Variants in BDP1 observed in about 807,000 individuals in gnomAD.
The protein encoded by BDP1 is transcription factor TFIIIB component B'' homolog.
In BDP1, 169 loss-of-function variants were observed where a neutral mutation model predicts 266.6. The ratio of observed to expected loss-of-function variants is 0.63; its 90% CI spans 0.56 to 0.72. The LOEUF (loss-of-function observed/expected upper bound fraction) is 0.72. Among genes scored for constraint, BDP1 ranks in the 30% least tolerant of loss-of-function variants. The pLI is 0.00. For synonymous variants in BDP1, 1,090 were observed against 1,022.4 expected, an observed-to-expected ratio of 1.07 and a Z score of -1.26; for missense variants, 3,015 against 3,053.8, an observed-to-expected ratio of 0.99 and a Z score of 0.30.
chr5:71,532,160 A>AT (rs1766286285), intron 25 of BDP1, 148 bp from the exon 26 acceptor site: 1 of 632,168 alleles, frequency 1.6e-6, no homozygotes, highest in Non-Finnish European at 2.5e-6. Flanking sequence ...CAATAAAAGA[A>AT]TTACTCCATT....
chr5:71,529,119 C>T (rs190163994), intron 25 of BDP1, among the ~76,000 whole-genome samples: 137 of 152,198 alleles, frequency 9.0e-4, no homozygotes, highest in African/African-American at 3.2e-3. Context: ...AGGCCAGGCA[C>T]GGTGGCTCAC....
Position 71,470,391 on chromosome 5 carries a change from A to G in BDP1, c.920-4A>G, listed in dbSNP as rs747369076. ...CAATCATTCTAAATCTTTTATTTTCACAGAAACAGATATGTTTTTTTTAGC... is the reference window on the plus strand; with the variant it reads ...CAATCATTCTAAATCTTTTATTTTCGCAGAAACAGATATGTTTTTTTTAGC... On this transcript the variant is annotated splice_polypyrimidine_tract_variant and splice_region_variant and intron_variant, in intron 6 of 38. Coordinates refer to ENST00000358731, the MANE Select transcript of BDP1 (RefSeq NM_018429.3). 4 of 1,578,726 alleles carry G rather than the reference A, an allele frequency of 2.5e-6. No homozygotes were observed. The highest frequency in any genetic ancestry group is 2.7e-5 in the African/African-American group (2 of 73,810).
intron 9 of BDP1, among the ~76,000 whole-genome samples, chr5:71,487,706 TAGGAAGAC>T (rs1763351775): frequency 6.6e-6 from 1 of 152,210 alleles, no homozygotes; most frequent in South Asian, 2.1e-4. Flanking sequence ...GATTATCCAC[TAGGAAGAC>T]TAAGGATTCA....
Position 71,552,753 on chromosome 5 carries a change from G to A in BDP1, c.6996-363G>A, listed in dbSNP as rs1049228530. Among the ~76,000 whole-genome samples, 168 of 152,392 alleles carry A rather than the reference G, an allele frequency of 1.1e-3. 1 individual carries two copies. The highest frequency in any genetic ancestry group is 2.4e-4 in the Non-Finnish European group (16 of 68,042). On this transcript the variant is annotated intron_variant, in intron 34 of 38. Transcript: ENST00000358731. The stretch of plus-strand genomic sequence containing the variant: ...GAGAACCAGGCAGGGAGGCTGCAGT[G>A]AGCCGAGATGGCAGCAGTACAGTCC...
At chr5:71,479,485 A>T (rs1762803633) in intron 7 of BDP1, among the ~76,000 whole-genome samples, 1 of 151,972 alleles carries the variant, frequency 6.6e-6, no homozygotes. Context: ...TCTAGATCAT[A>T]TTGGAATCTG....
At chr5:71,536,568 T>A (rs1766609429) in intron 26 of BDP1, among the ~76,000 whole-genome samples, 1 of 152,122 alleles carries the variant, frequency 6.6e-6, no homozygotes, top group Admixed American at 6.6e-5. Context: ...CCAGGCGCGG[T>A]GGCTCATGCC....
chr5:71,557,016 A>T (rs1048955142), intron 36 of BDP1, 91 bp downstream of exon 36: 2 of 626,602 alleles, frequency 3.2e-6, no homozygotes, highest in African/African-American at 3.8e-5. Context: ...ATTGAAACTG[A>T]GTATTCCTTT....
rs375765019 is a variant in BDP1, at chr5:71,532,802, C to T, written c.5892+375C>T. Among the ~76,000 whole-genome samples, 225 of 152,300 alleles carry T rather than the reference C, an allele frequency of 1.5e-3. 4 individuals carry two copies. In the South Asian group the frequency reaches 0.041, roughly 28 times the overall value. The stretch of plus-strand genomic sequence containing the variant: ...CAGCTTTATTGACATATAATTTACA[C>T]ACCATATGATTTTCTCATTATTTAA... On this transcript the variant is annotated intron_variant, in intron 26 of 38. Transcript: ENST00000358731.
chr5:71,526,530 T>G (rs1765887955), intron 25 of BDP1, among the ~76,000 whole-genome samples: 1 of 146,228 alleles, frequency 6.8e-6, no homozygotes, highest in African/African-American at 2.5e-5. Flanking sequence ...ACAGGAGAAT[T>G]GCTTGAACCC....
chr5:71,525,025 T>C (rs1309889450), intron 25 of BDP1, among the ~76,000 whole-genome samples: 1 of 151,960 alleles, frequency 6.6e-6, no homozygotes, highest in African/African-American at 2.4e-5. Flanking sequence ...AAGTCTCCCA[T>C]GTCTACCTCT....
chr5:71,559,911 T>A, intron 36 of BDP1, 71 bp from the exon 37 acceptor site: 4 of 1,506,046 alleles, frequency 2.7e-6, no homozygotes, highest in Non-Finnish European at 3.6e-6. Flanking sequence ...GGGTTTCTTT[T>A]CAAATGCTGG....
In BDP1 at chr5:71,522,892, T is replaced by C; in HGVS notation, c.5330T>C (p.Val1777Ala). The change falls in exon 24 of 39, where the codon GTA (valine) becomes GCA (alanine). Residue 1777 changes from valine to alanine, a missense_variant. Val to Ala is a moderately conservative substitution (Grantham distance 64). Coordinates refer to ENST00000358731, the MANE Select transcript of BDP1 (RefSeq NM_018429.3). ...GPSRRVGEET[V>A]GDNSPSSVVE... ...TCAAGAAGGGTTGGAGAGGAAACTG[T>C]AGGAGATAATTCACCATCTTCAGTT... 1 of 1,610,882 alleles carries C rather than the reference T, an allele frequency of 6.2e-7. No individual in the cohort carries two copies. Among genetic ancestry groups the C allele is most frequent in the African/African-American group, 1.3e-5 (1 of 74,938 alleles).
intron 37 of BDP1, among the ~76,000 whole-genome samples, chr5:71,561,766 T>C (rs1403063070): frequency 6.6e-6 from 1 of 152,178 alleles, no homozygotes; most frequent in Non-Finnish European, 1.5e-5. Context: ...CTTGATAAAA[T>C]GCAGAACTCA....
chr5:71,557,211 T>C (rs1232879854), intron 36 of BDP1, among the ~76,000 whole-genome samples: 5 of 151,904 alleles, frequency 3.3e-5, no homozygotes, highest in Middle Eastern at 3.4e-3. Flanking sequence ...TGGCTTTTTT[T>C]CTCCCCCGCC....
chr5:71,507,923 G>C (rs899363060), intron 16 of BDP1, among the ~76,000 whole-genome samples: 4 of 152,116 alleles, frequency 2.6e-5, no homozygotes, highest in Non-Finnish European at 5.9e-5. Flanking sequence ...GATAGTATAG[G>C]ACCTAAAGAA....
In BDP1 at chr5:71,530,320, C is replaced by T. The variant is rs187464606; in HGVS notation, c.5773-1988C>T. Among the ~76,000 whole-genome samples the T allele has an allele frequency of 2.6e-3, 393 of 152,186 alleles. 2 individuals are homozygous for T. The highest frequency in any genetic ancestry group is 9.1e-3 in the African/African-American group (378 of 41,528). ...CATGATTTCAGCTTGCTGCAACCCC[C>T]GCCTCCCAGGCTCAAGCAATCCTCC... On this transcript the variant is annotated intron_variant, in intron 25 of 38. Transcript: ENST00000358731.
rs756752397 is a variant in BDP1, at chr5:71,523,943, C to G, written c.5392C>G (p.Pro1798Ala). Reference protein sequence around the residue: ...EQYLNKLTSCPQPLNETSYSK... With the variant: ...EQYLNKLTSCAQPLNETSYSK... The stretch of plus-strand genomic sequence containing the variant: ...TTGTTTTGATTAAATATCTAGCTGT[C>G]CACAACCGTTAAACGAAACAAGTTA... Residue 1798 changes from proline (P) to alanine (A), a missense_variant, in exon 25 of 39, where the codon CCA becomes GCA. Physicochemically the swap from Pro to Ala is conservative, Grantham distance 27 (BLOSUM62 -1). This residue lies in a region of BDP1 where 2,383 missense variants were observed against 2,404.9 expected (regional missense o/e 0.99). Coordinates refer to ENST00000358731, the MANE Select transcript of BDP1 (RefSeq NM_018429.3). The G allele has an allele frequency of 1.2e-6, 2 of 1,611,322 alleles. No individual in the cohort carries two copies. Among genetic ancestry groups the G allele is most frequent in the South Asian group, 2.2e-5 (2 of 90,790 alleles).
At position 71,467,432 on chromosome 5, in the gene BDP1, A is replaced by G; in HGVS notation, c.864A>G (p.Thr288=). Residue 288 remains threonine, a synonymous_variant, in exon 6 of 39, where the codon ACA becomes ACG. Coordinates refer to ENST00000358731, the MANE Select transcript of BDP1 (RefSeq NM_018429.3). ...ACCCCATATTTGAGCGCGGTTCTACAACTACATACTCCAGCTTTAGGAAAA... is the reference window on the plus strand; with the variant it reads ...ACCCCATATTTGAGCGCGGTTCTACGACTACATACTCCAGCTTTAGGAAAA... ...ENDPIFERGS[T]TTYSSFRKNY... is the part of the protein sequence containing the mutation. 1 of 1,610,776 alleles carries G rather than the reference A, an allele frequency of 6.2e-7. No homozygotes were observed. The highest frequency in any genetic ancestry group is 8.5e-7 in the Non-Finnish European group (1 of 1,177,076).
intron 2 of BDP1, among the ~76,000 whole-genome samples, chr5:71,460,477 T>C (rs1161369473): frequency 2.6e-5 from 4 of 152,266 alleles, no homozygotes; most frequent in Admixed American, 2.6e-4. Context: ...CCTCTTAGTT[T>C]TTTTTAAATT....
Sources: gnomAD v4.1 joint callset for allele counts (sites outside exome capture counted in the v4.1 genomes callset) on GRCh38, gnomAD v4.1.1 for gene constraint, gnomAD v4.1.1 regional missense constraint, MANE v1.5 for transcripts, NCBI Gene and HGNC (gene_info 2026-07-23, HGNC 2026-07-21) for gene names.